The following GRIA3 variants were observed in gnomAD, a reference collection of about 807,000 sequenced individuals.
The protein encoded by GRIA3 is glutamate receptor 3.
In GRIA3, 3 loss-of-function variants were observed where a neutral mutation model predicts 63.0. The ratio of observed to expected loss-of-function variants is 0.05; its 90% CI spans 0.02 to 0.12. The LOEUF is 0.12. Ranked by LOEUF, GRIA3 falls within the 10% of genes least tolerant of loss-of-function variation. The probability of loss-of-function intolerance (pLI) is 1.00; values close to 1 mark genes in which losing one functional copy is unlikely to be tolerated. For synonymous variants in GRIA3, 274 were observed against 257.9 expected, an observed-to-expected ratio of 1.06 and a Z score of -0.60; for missense variants, 347 against 700.9, an observed-to-expected ratio of 0.50 and a Z score of 5.70.
At chrX:123,463,685 A>AAAGAAAGAAAGG in intron 12 of GRIA3, among the ~76,000 whole-genome samples, 1 of 59,423 alleles carries the variant, frequency 1.7e-5, no homozygotes, top group East Asian at 5.1e-4. Context: ...AGAAAGAAAG[A>AAAGAAAGAAAGG]GAGAGAAAGA....
At chrX:123,332,868 T>C (rs112205715) in intron 4 of GRIA3, among the ~76,000 whole-genome samples, 19 of 111,577 alleles carry the variant, frequency 1.7e-4, no homozygotes, top group African/African-American at 5.8e-4. Context: ...TCTAAAACAT[T>C]TTCTATACTT....
chrX:123,268,121 T>A (rs2044498779), intron 3 of GRIA3, among the ~76,000 whole-genome samples: 1 of 111,581 alleles, frequency 9.0e-6, no homozygotes, highest in Non-Finnish European at 1.9e-5. Flanking sequence ...ACAATAAACA[T>A]CATAAGCTTA....
At chrX:123,232,482 A>G (rs975070200) in intron 2 of GRIA3, among the ~76,000 whole-genome samples, 1 of 111,731 alleles carries the variant, frequency 9.0e-6, no homozygotes, top group Non-Finnish European at 1.9e-5. Flanking sequence ...TAGTGGGTAC[A>G]GAGTTTCAGT....
At chrX:123,443,772 T>A (rs2045688718) in intron 12 of GRIA3, among the ~76,000 whole-genome samples, 1 of 110,927 alleles carries the variant, frequency 9.0e-6, no homozygotes, top group Non-Finnish European at 1.9e-5. Flanking sequence ...CATGGGAAAA[T>A]AAGAGCCACA....
chrX:123,209,399 T>C (rs964896930), intron 2 of GRIA3, among the ~76,000 whole-genome samples: 2 of 112,217 alleles, frequency 1.8e-5, no homozygotes, highest in Non-Finnish European at 3.8e-5. Context: ...GATGTGTTTG[T>C]TCTTGGTTAT....
intron 3 of GRIA3, among the ~76,000 whole-genome samples, chrX:123,269,046 A>C (rs1043934418): frequency 1.3e-4 from 15 of 112,178 alleles, no homozygotes; most frequent in African/African-American, 4.9e-4. Context: ...GGCTTTACCC[A>C]ACAGAATTGA....
chrX:123,348,479 C>A (rs2045068819), intron 4 of GRIA3, among the ~76,000 whole-genome samples: 1 of 111,741 alleles, frequency 8.9e-6, no homozygotes, highest in Non-Finnish European at 1.9e-5. Context: ...TTAAAAATCA[C>A]TCCAATTCTG....
At position 123,360,855 on chromosome X, in the gene GRIA3, TCACACACACACA is replaced by T. The variant is rs10548566; in HGVS notation, c.750+5929_750+5940del. 4.3e-3 allele frequency among the ~76,000 whole-genome samples: 201 copies of T among 46,493 alleles called. 1 individual carries two copies. The highest frequency in any genetic ancestry group is 0.04 in the Middle Eastern group (3 of 75). 40.4% of individuals were successfully genotyped at this position (46,493 alleles called of 115,157 possible). A position where few individuals can be genotyped will look rare whatever the true frequency, so the allele number is the denominator to read the frequency against. ...CCTCCTCTCTCTCTCTCTCTCTCTC[TCACACACACACA>T]CACACACACACACACACACACACAC... On this transcript the variant is annotated intron_variant, in intron 5 of 15. Transcript: ENST00000620443.
intron 2 of GRIA3, among the ~76,000 whole-genome samples, chrX:123,193,926 A>G (rs1444195408): frequency 9.0e-6 from 1 of 111,366 alleles, no homozygotes; most frequent in African/African-American, 3.3e-5. Flanking sequence ...CACCAAATGG[A>G]TTGCGGGCAT....
At chrX:123,254,553 C>T (rs1405640173) in intron 3 of GRIA3, among the ~76,000 whole-genome samples, 1 of 111,921 alleles carries the variant, frequency 8.9e-6, no homozygotes, top group East Asian at 2.8e-4. Flanking sequence ...GCTTATCTGC[C>T]TGAGGGGTAC....
chrX:123,231,909 A>G (rs1333138793), intron 2 of GRIA3, among the ~76,000 whole-genome samples: 1 of 111,855 alleles, frequency 8.9e-6, no homozygotes, highest in Non-Finnish European at 1.9e-5. Context: ...ATCTGGACCT[A>G]TTAAAATACT....
rs2045813946 is a variant in GRIA3 at position 123,463,678 on chromosome X, AAGAAAG to A, written c.2077-1183_2077-1178del. On this transcript the variant is annotated intron_variant, in intron 12 of 15. Transcript: ENST00000620443. The stretch of plus-strand genomic sequence containing the variant: ...AAAGAAAGAAAGAAAGAAAGAAAGA[AAGAAAG>A]AGAGAGAAAGAAAGAAAAAGAAAGA... Among the ~76,000 whole-genome samples the A allele has an allele frequency of 5.5e-5, 3 of 54,792 alleles. 1 individual carries two copies. Among genetic ancestry groups the A allele is most frequent in the African/African-American group, 1.9e-4 (2 of 10,483 alleles). The allele number at this position is 54,792 out of a possible 115,157, so 47.6% of individuals were successfully genotyped here.
intron 2 of GRIA3, among the ~76,000 whole-genome samples, chrX:123,252,921 CAA>C (rs1242223133): frequency 9.0e-6 from 1 of 111,656 alleles, no homozygotes; most frequent in Admixed American, 9.4e-5. Context: ...AAGGGTGGTA[CAA>C]AAAACAGTTG....
intron 3 of GRIA3, among the ~76,000 whole-genome samples, chrX:123,280,238 A>G (rs1167837697): frequency 8.9e-6 from 1 of 111,841 alleles, no homozygotes; most frequent in African/African-American, 3.2e-5. Context: ...TTGAAAAGAC[A>G]CCCTAAGGTT....
chrX:123,245,848 G>C (rs754165642), intron 2 of GRIA3, among the ~76,000 whole-genome samples: 48 of 111,916 alleles, frequency 4.3e-4, no homozygotes, highest in Non-Finnish European at 8.7e-4. Context: ...AATGATAGTT[G>C]ATGGAGGTGG....
intron 5 of GRIA3, among the ~76,000 whole-genome samples, chrX:123,357,656 A>G (rs2045142188): frequency 9.0e-6 from 1 of 110,512 alleles, no homozygotes; most frequent in Admixed American, 9.8e-5. Context: ...TAGAACTGAA[A>G]GAGAAAAATC....
intron 12 of GRIA3, among the ~76,000 whole-genome samples, chrX:123,446,671 A>C (rs369264529): frequency 2.5e-4 from 28 of 112,475 alleles, no homozygotes; most frequent in Middle Eastern, 4.6e-3. Context: ...AGAAAAACAG[A>C]TAACTCTTGG....
intron 2 of GRIA3, among the ~76,000 whole-genome samples, chrX:123,218,059 T>G (rs1262440862): frequency 8.9e-6 from 1 of 112,629 alleles, no homozygotes; most frequent in African/African-American, 3.2e-5. Context: ...ACACATAGTA[T>G]GACAAAAATT....
intron 3 of GRIA3, among the ~76,000 whole-genome samples, chrX:123,299,713 C>G (rs535560888): frequency 3.6e-5 from 4 of 110,849 alleles, no homozygotes; most frequent in Admixed American, 1.9e-4. Flanking sequence ...ATTTGGATGC[C>G]CTTTATTTAT....
Sources: allele counts gnomAD v4.1 joint callset (sites outside exome capture counted in the v4.1 genomes callset), GRCh38; gene constraint gnomAD v4.1.1; transcripts MANE v1.5; gene names NCBI Gene and HGNC (gene_info 2026-07-23, HGNC 2026-07-21).